Variants in SLC27A1 observed in about 807,000 individuals in gnomAD.
SLC27A1 encodes the protein long-chain fatty acid transport protein 1.
In SLC27A1, 61 loss-of-function variants were observed where a neutral mutation model predicts 62.2. The observed-to-expected ratio is 0.98, with a 90% CI of 0.80 to 1.21. The LOEUF is 1.21. SLC27A1 is among the 50% of genes most tolerant of loss of function. The probability of loss-of-function intolerance (pLI) is 0.00; values close to 1 mark genes in which losing one functional copy is unlikely to be tolerated. For synonymous variants in SLC27A1, 435 were observed against 408.6 expected (o/e 1.06, Z -0.78); for missense variants, 903 against 932.1 (o/e 0.97, Z 0.41).
chr19:17,487,150 T>C (rs764870830), intron 2 of SLC27A1, 24 bp from the exon 3 acceptor site: 4 of 1,613,764 alleles, frequency 2.5e-6, no homozygotes, highest in Non-Finnish European at 3.4e-6. Flanking sequence ...GCGGTGACCA[T>C]GACCCATGTG....
intron 1 of SLC27A1, chr19:17,484,077 C>G (rs1482816565): frequency 6.6e-6 from 1 of 152,310 alleles, no homozygotes; most frequent in Non-Finnish European, 1.5e-5. Context: ...TCTGGATGCT[C>G]TGTCCCCAGA....
intron 7 of SLC27A1, 43 bp downstream of exon 7, chr19:17,497,507 G>A (rs1234543737): frequency 6.6e-7 from 1 of 1,518,966 alleles, no homozygotes; most frequent in Non-Finnish European, 9.0e-7. Context: ...GGAGTTCAGG[G>A]AAGACCACTG....
At chr19:17,482,723 C>G (rs1338585084) in intron 1 of SLC27A1, among the ~76,000 whole-genome samples, 5 of 148,600 alleles carry the variant, frequency 3.4e-5, no homozygotes, top group African/African-American at 1.2e-4. Flanking sequence ...ACCACAGGGT[C>G]TTGGCTAGTG....
chr19:17,493,427 C>CAAAA (rs769247313), intron 6 of SLC27A1, among the ~76,000 whole-genome samples: 66 of 71,870 alleles, frequency 9.2e-4, no homozygotes, highest in Middle Eastern at 0.01. Flanking sequence ...AACTCCATCT[C>CAAAA]AAAAAAAAAA....
chr19:17,486,169 G>T lies in SLC27A1; in HGVS notation c.168-394G>T, dbSNP rs2144573606. 6.6e-6 allele frequency among the ~76,000 whole-genome samples: 1 copy of T among 152,334 alleles called. No individual in the cohort carries two copies. Among genetic ancestry groups the T allele is most frequent in the East Asian group, 1.9e-4 (1 of 5,180 alleles). ...GGGGCAGAACAGCTGCCCAGCTCGGGGCTGGACCCTGGGGGTCCTGGTTAG... is the reference window on the plus strand; with the variant it reads ...GGGGCAGAACAGCTGCCCAGCTCGGTGCTGGACCCTGGGGGTCCTGGTTAG... On this transcript the variant is annotated intron_variant, in intron 1 of 11. Coordinates refer to ENST00000252595, the MANE Select transcript of SLC27A1 (RefSeq NM_198580.3). This position sits in a 1 kb window ranked among gnomAD's most constrained non-coding sequence, Gnocchi z 6.6.
chr19:17,488,647 G>T lies in SLC27A1; in HGVS notation c.795-201G>T. ...GCTGCATTACCATCAGCCCCTCTATGCCCCTTGACCCTATTATATCCCTCG... is the reference window on the plus strand; with the variant it reads ...GCTGCATTACCATCAGCCCCTCTATTCCCCTTGACCCTATTATATCCCTCG... On this transcript the variant is annotated intron_variant, in intron 4 of 11. Coordinates refer to ENST00000252595, the MANE Select transcript of SLC27A1 (RefSeq NM_198580.3). 6.6e-6 allele frequency: 4 copies of T among 605,632 alleles called. No homozygotes were observed. The South Asian group carries it at 7.5e-5, about 11-fold the overall frequency. 37.5% of individuals were successfully genotyped at this position (605,632 alleles called of 1,614,324 possible). A position where few individuals can be genotyped will look rare whatever the true frequency, so the allele number is the denominator to read the frequency against.
intron 6 of SLC27A1, among the ~76,000 whole-genome samples, 185 bp downstream of exon 6, chr19:17,489,302 TC>T (rs1451671224): frequency 6.6e-6 from 1 of 151,782 alleles, no homozygotes. Context: ...TTCCCTTAAC[TC>T]CCTTATGTGC....
At chr19:17,503,122 A>G (rs1327531138) in intron 11 of SLC27A1, among the ~76,000 whole-genome samples, 3 of 152,194 alleles carry the variant, frequency 2.0e-5, no homozygotes, top group African/African-American at 7.2e-5. Context: ...CCCCTTCACT[A>G]TCATGAGAAC....
At chr19:17,484,790 A>G (rs913697772) in intron 1 of SLC27A1, among the ~76,000 whole-genome samples, 1 of 152,230 alleles carries the variant, frequency 6.6e-6, no homozygotes, top group African/African-American at 2.4e-5. Context: ...GCTGAAGTCC[A>G]CTGTGAACAT....
At chr19:17,493,046 C>T (rs1372111653) in intron 6 of SLC27A1, among the ~76,000 whole-genome samples, 2 of 151,108 alleles carry the variant, frequency 1.3e-5, no homozygotes, top group Non-Finnish European at 2.9e-5. Context: ...TCCTGTGAAC[C>T]CAGGAGGTGG....
chr19:17,498,632 GA>G, intron 7 of SLC27A1: 1 of 230,798 alleles, frequency 4.3e-6, no homozygotes, highest in East Asian at 8.2e-5. Context: ...ACAAGACAAA[GA>G]GATGAAAGAA....
intron 11 of SLC27A1, chr19:17,503,575 T>A (rs1010720076): frequency 7.3e-5 from 11 of 151,220 alleles, no homozygotes; most frequent in Admixed American, 6.6e-5. Context: ...TTCTCCCACC[T>A]CAGCCTCCCA....
chr19:17,479,273 C>G (rs1295687249), intron 1 of SLC27A1, among the ~76,000 whole-genome samples: 1 of 152,122 alleles, frequency 6.6e-6, no homozygotes, highest in Non-Finnish European at 1.5e-5. Context: ...AACAAACCCA[C>G]AAAAATCCCT....
chr19:17,487,503 C>G lies in SLC27A1; in HGVS notation c.768C>G (p.Pro256=), dbSNP rs756982648. 12 of 1,611,672 alleles carry G rather than the reference C, an allele frequency of 7.4e-6. No individual in the cohort carries two copies. Among genetic ancestry groups the G allele is most frequent in the Non-Finnish European group, 1.0e-5 (12 of 1,179,870 alleles). Reference sequence around the variant, plus strand: ...ACACGTCGGGGACCACCGGGCTGCCCAAGGCTGCCATTGTCGTGCACAGCA... The same window carrying G: ...ACACGTCGGGGACCACCGGGCTGCCGAAGGCTGCCATTGTCGTGCACAGCA... The part of the protein sequence containing the change: ...YIYTSGTTGL[P]KAAIVVHSRY... The change falls in exon 4 of 12, where the codon CCC becomes CCG. Residue 256 remains proline (P), a synonymous_variant. Transcript: ENST00000252595.
At position 17,486,472 on chromosome 19, in the gene SLC27A1, C is replaced by G. The variant is rs940796386; in HGVS notation, c.168-91C>G. 7.0e-7 allele frequency: 1 copy of G among 1,427,278 alleles called. No individual in the cohort carries two copies. Among genetic ancestry groups the G allele is most frequent in the Non-Finnish European group, 9.3e-7 (1 of 1,077,380 alleles). The allele number at this position is 1,427,278 out of a possible 1,614,324, so 88.4% of individuals were successfully genotyped here. A position where few individuals can be genotyped will look rare whatever the true frequency, so the allele number is the denominator to read the frequency against. ...TAGACCTCATCAAAGCCCCTGGCTG[C>G]CCTGGGGTCCTCCAGCGGGGAGGCT... On this transcript the variant is annotated intron_variant, in intron 1 of 11. Transcript: ENST00000252595. The surrounding 1 kb of genome is among the most constrained non-coding windows in gnomAD (Gnocchi z 6.6).
At chr19:17,473,874 C>CAA (rs2075099218) in intron 1 of SLC27A1, among the ~76,000 whole-genome samples, 1 of 152,140 alleles carries the variant, frequency 6.6e-6, no homozygotes, top group Non-Finnish European at 1.5e-5. Flanking sequence ...AAAAACAAAA[C>CAA]AAAACAAAAC....
chr19:17,480,543 T>TTTTC (rs1555743181), intron 1 of SLC27A1, among the ~76,000 whole-genome samples: 4 of 142,188 alleles, frequency 2.8e-5, no homozygotes, highest in Non-Finnish European at 4.6e-5. Flanking sequence ...ATTTTTTTCT[T>TTTTC]TTTTTTTTTT....
chr19:17,502,344 GTT>G (rs1231886797), intron 11 of SLC27A1, among the ~76,000 whole-genome samples: 4 of 15,716 alleles, frequency 2.5e-4, no homozygotes, highest in African/African-American at 7.0e-4. Flanking sequence ...TGTTTTTTTT[GTT>G]TTTTTTTTTT....
chr19:17,478,193 G>A (rs917078489), intron 1 of SLC27A1, among the ~76,000 whole-genome samples: 1 of 152,094 alleles, frequency 6.6e-6, no homozygotes. Context: ...GCAGCTGGGC[G>A]CGGTGGCTCA....
Sources: gnomAD v4.1 joint callset for allele counts (sites outside exome capture counted in the v4.1 genomes callset) on GRCh38, gnomAD v4.1.1 for gene constraint, Gnocchi (gnomAD v3.1) non-coding constraint, MANE v1.5 for transcripts, NCBI Gene and HGNC (gene_info 2026-07-23, HGNC 2026-07-21) for gene names.